ST8SIA1: variants seen among roughly 807,000 people sequenced by gnomAD.
ST8SIA1 encodes ST8 alpha-N-acetyl-neuraminide alpha-2,8-sialyltransferase 1, also known as alpha-N-acetylneuraminide alpha-2,8-sialyltransferase.
Under a neutral mutation model 35.9 loss-of-function variants are expected in ST8SIA1, and 16 were observed. The observed-to-expected ratio is 0.45, with a 90% CI of 0.30 to 0.68. The LOEUF is 0.68. ST8SIA1 is among the 30% of genes least tolerant of loss of function. ST8SIA1 has a pLI of 0.09. For missense variants in ST8SIA1, 383 were observed against 453.6 expected (o/e 0.84, Z 1.41); for synonymous variants, 170 against 169.6 (o/e 1.00, Z -0.02).
chr12:22,325,299 C>A, intron 1 of ST8SIA1: 1 of 607,756 alleles, frequency 1.6e-6, no homozygotes, highest in South Asian at 2.0e-5. Flanking sequence ...GCCCTTTTCT[C>A]ATTGTGGTCA....
In ST8SIA1 at chr12:22,334,451, G is replaced by A; in HGVS notation, c.-219C>T. The A allele has an allele frequency of 1.7e-6, 1 of 590,452 alleles. No homozygotes were observed. The highest frequency in any genetic ancestry group is 3.0e-6 in the Non-Finnish European group (1 of 331,434). 36.6% of individuals were successfully genotyped at this position (590,452 alleles called of 1,614,324 possible). ...CCAAGGATTTCTTTCTAGGGGAAGT[G>A]GCTGGGGGTGAAGTCACGATCTATG... On this transcript the variant is annotated 5_prime_UTR_variant, in exon 1 of 5. Coordinates refer to ENST00000396037, the MANE Select transcript of ST8SIA1 (RefSeq NM_003034.4).
intron 2 of ST8SIA1, among the ~76,000 whole-genome samples, chr12:22,275,810 T>C (rs745752452): frequency 2.0e-5 from 3 of 152,216 alleles, no homozygotes; most frequent in Non-Finnish European, 4.4e-5. Flanking sequence ...CCCTCTATCC[T>C]GATCAGTAGC....
chr12:22,264,313 C>T (rs974783914), intron 2 of ST8SIA1, among the ~76,000 whole-genome samples: 1 of 152,140 alleles, frequency 6.6e-6, no homozygotes, highest in Non-Finnish European at 1.5e-5. Flanking sequence ...CCCCAACTCT[C>T]CAACAATACT....
chr12:22,201,406 A>G lies in ST8SIA1; in HGVS notation c.*146T>C. ...GTCCTCCAAGCCAACGCTGAAAGTA[A>G]AGTTTTGCTTGGATCTTCATTGCTC... On this transcript the variant is annotated 3_prime_UTR_variant, in exon 5 of 5. Transcript: ENST00000396037. The G allele has an allele frequency of 8.8e-7, 1 of 1,130,008 alleles. No individual in the cohort carries two copies. The highest frequency in any genetic ancestry group is 1.2e-6 in the Non-Finnish European group (1 of 810,900). The allele number at this position is 1,130,008 out of a possible 1,614,324, so 70.0% of individuals were successfully genotyped here.
intron 3 of ST8SIA1, among the ~76,000 whole-genome samples, chr12:22,253,575 T>C (rs1049862854): frequency 6.6e-6 from 1 of 152,088 alleles, no homozygotes; most frequent in South Asian, 2.1e-4. Flanking sequence ...AGCAAACACA[T>C]CTCTAGGATA....
rs964478227 is a variant in ST8SIA1, at chr12:22,200,647, C to G, written c.*905G>C. The G allele has an allele frequency of 1.3e-5, 2 of 152,148 alleles. No individual in the cohort carries two copies. The highest frequency in any genetic ancestry group is 2.9e-5 in the Non-Finnish European group (2 of 68,026). The allele number at this position is 152,148 out of a possible 1,614,324, so 9.4% of individuals were successfully genotyped here. A position where few individuals can be genotyped will look rare whatever the true frequency, so the allele number is the denominator to read the frequency against. On this transcript the variant is annotated 3_prime_UTR_variant, in exon 5 of 5. Coordinates refer to ENST00000396037, the MANE Select transcript of ST8SIA1 (RefSeq NM_003034.4). ...TCTTCTGGTCTGTCTTCCACAGAGA[C>G]TAAGCTTTTCATCAACGTGCTTTAC...
At chr12:22,287,088 C>A in intron 2 of ST8SIA1, 61 bp downstream of exon 2, 1 of 1,514,002 alleles carries the variant, frequency 6.6e-7, no homozygotes, top group Non-Finnish European at 8.9e-7. Context: ...TCAATTATCC[C>A]TTTTCTATGA....
chr12:22,202,725 G>A (rs891438619), intron 4 of ST8SIA1, among the ~76,000 whole-genome samples: 5 of 152,146 alleles, frequency 3.3e-5, no homozygotes, highest in African/African-American at 1.2e-4. Context: ...CTTGTATAAA[G>A]TACTATGGAA....
At chr12:22,202,858 C>T (rs187792699) in intron 4 of ST8SIA1, among the ~76,000 whole-genome samples, 45 of 152,218 alleles carry the variant, frequency 3.0e-4, no homozygotes, top group Admixed American at 2.7e-3. Context: ...CAACTAAACT[C>T]GAAGGGATAC....
chr12:22,202,388 T>C (rs73264098), intron 4 of ST8SIA1, among the ~76,000 whole-genome samples: 1,965 of 152,332 alleles, frequency 0.013, 40 homozygotes, highest in African/African-American at 0.046. Context: ...GGGATTTTGA[T>C]GAAAGGTACT....
chr12:22,292,703 C>G (rs1196459860), intron 1 of ST8SIA1, among the ~76,000 whole-genome samples: 4 of 152,078 alleles, frequency 2.6e-5, no homozygotes, highest in African/African-American at 9.7e-5. Context: ...ACTGGGTACA[C>G]AGGGACATAA....
At chr12:22,220,999 ATG>A (rs1865292615) in intron 4 of ST8SIA1, among the ~76,000 whole-genome samples, 1 of 152,198 alleles carries the variant, frequency 6.6e-6, no homozygotes, top group Non-Finnish European at 1.5e-5. Flanking sequence ...TGGAAATGTC[ATG>A]ATTCCCAAAA....
intron 1 of ST8SIA1, among the ~76,000 whole-genome samples, chr12:22,288,093 C>T (rs867221753): frequency 2.1e-4 from 32 of 152,168 alleles, no homozygotes; most frequent in Non-Finnish European, 1.0e-4. Flanking sequence ...CAAGTCTAAG[C>T]CATGTTTGTT....
intron 1 of ST8SIA1, 149 bp downstream of exon 1, chr12:22,333,848 A>C: frequency 3.7e-6 from 3 of 819,684 alleles, no homozygotes; most frequent in Non-Finnish European, 6.4e-6. Context: ...CAGGTTGGGA[A>C]TGGCACAAAT....
chr12:22,326,067 G>A (rs1303309426), intron 1 of ST8SIA1: 11 of 478,040 alleles, frequency 2.3e-5, no homozygotes, highest in Non-Finnish European at 4.0e-5. Context: ...AATATTTTTG[G>A]ACCAAATTAA....
In ST8SIA1 at chr12:22,236,800, G is replaced by GGAAA. The variant is rs141138250; in HGVS notation, c.584+12202_584+12205dup. On this transcript the variant is annotated intron_variant, in intron 4 of 4. Coordinates refer to ENST00000396037, the MANE Select transcript of ST8SIA1 (RefSeq NM_003034.4). ...CACTGAAGACTAGAGCTTCACAGAGGGAAAGAAAGAAAGAAGATAAATGGA... is the reference window on the plus strand; with the variant it reads ...CACTGAAGACTAGAGCTTCACAGAGGGAAAGAAAGAAAGAAAGAAGATAAATGGA... 2.3e-3 allele frequency among the ~76,000 whole-genome samples: 344 copies of GGAAA among 152,248 alleles called. 1 individual carries two copies. The highest frequency in any genetic ancestry group is 7.3e-3 in the African/African-American group (304 of 41,536).
At chr12:22,290,380 G>A (rs1866159758) in intron 1 of ST8SIA1, among the ~76,000 whole-genome samples, 1 of 152,180 alleles carries the variant, frequency 6.6e-6, no homozygotes, top group South Asian at 2.1e-4. Flanking sequence ...TAGTACTATA[G>A]TACTACCAGC....
chr12:22,246,139 G>A (rs1483878486), intron 4 of ST8SIA1, among the ~76,000 whole-genome samples: 5 of 152,158 alleles, frequency 3.3e-5, no homozygotes, highest in African/African-American at 1.2e-4. Context: ...CAGAAGCTCC[G>A]GAGGCCTAGA....
intron 4 of ST8SIA1, among the ~76,000 whole-genome samples, chr12:22,245,408 C>A (rs1474104154): frequency 6.6e-6 from 1 of 152,118 alleles, no homozygotes; most frequent in Non-Finnish European, 1.5e-5. Flanking sequence ...TCTTATGTCA[C>A]AAAATGGAAT....
Sources: gnomAD v4.1 joint callset for allele counts (sites outside exome capture counted in the v4.1 genomes callset) on GRCh38, gnomAD v4.1.1 for gene constraint, MANE v1.5 for transcripts, NCBI Gene and HGNC (gene_info 2026-07-23, HGNC 2026-07-21) for gene names.